ERAP1: variants seen among roughly 807,000 people sequenced by gnomAD.
The protein encoded by ERAP1 is endoplasmic reticulum aminopeptidase 1.
ERAP1 carries 86 observed loss-of-function variants against 103.7 expected under a neutral mutation model. The observed-to-expected ratio is 0.83, with a 90% confidence interval of 0.70 to 0.99. The LOEUF (loss-of-function observed/expected upper bound fraction) is 0.99. Ranked by LOEUF, ERAP1 falls within the 50% of genes least tolerant of loss-of-function variation. The pLI is 0.00. For synonymous variants in ERAP1, 398 were observed against 402.4 expected (o/e 0.99, Z 0.13); for missense variants, 1,009 against 1,128.4 (o/e 0.89, Z 1.52).
downstream of ERAP1, chr5:96,770,382 A>C: frequency 5.3e-6 from 3 of 567,604 alleles, no homozygotes; most frequent in Non-Finnish European, 9.6e-6. Context: ...ACCGTTGTTC[A>C]AAAAAAATCA....
chr5:96,857,339 T>C, the ERAP1 span, among the ~76,000 whole-genome samples: 3 of 152,150 alleles, frequency 2.0e-5, no homozygotes, highest in Non-Finnish European at 4.4e-5. Flanking sequence ...CTGTTTCCCC[T>C]AGTTAAGTGA....
chr5:96,807,776 C>G (rs572729499), intron 1 of ERAP1, 84 bp downstream of exon 1: 3 of 940,072 alleles, frequency 3.2e-6, no homozygotes, highest in South Asian at 4.9e-5. Flanking sequence ...CTCAGCCCCC[C>G]ACTTGACGGG....
chr5:96,787,212 C>A (rs1776133104), intron 11 of ERAP1, among the ~76,000 whole-genome samples: 1 of 152,076 alleles, frequency 6.6e-6, no homozygotes, highest in Non-Finnish European at 1.5e-5. Context: ...AAGTTTATTT[C>A]CCAATTTTGA....
At chr5:96,762,956 CTT>C (rs112148349) in exon 20 of ERAP1, 3 of 566,048 alleles carry the variant, frequency 5.3e-6, no homozygotes, top group African/African-American at 3.8e-5. Context: ...GGGACCAAAG[CTT>C]TTCCAGACTT....
chr5:96,927,484 C>CT, the ERAP1 span, among the ~76,000 whole-genome samples: 1,424 of 147,620 alleles, frequency 9.6e-3, 36 homozygotes, highest in South Asian at 0.078. Context: ...TCCTTTGCTA[C>CT]TTTTTTTTTT....
At chr5:96,856,122 C>T in the ERAP1 span, among the ~76,000 whole-genome samples, 1 of 150,994 alleles carries the variant, frequency 6.6e-6, no homozygotes, top group South Asian at 2.1e-4. Context: ...ACTTCGAGAC[C>T]AGCCTGGCTA....
At chr5:96,868,630 G>A in the ERAP1 span, among the ~76,000 whole-genome samples, 1 of 152,252 alleles carries the variant, frequency 6.6e-6, no homozygotes, top group South Asian at 2.1e-4. Context: ...CTAGGCTAGT[G>A]GTTCTCAAAT....
At chr5:96,833,594 T>C in the ERAP1 span, among the ~76,000 whole-genome samples, 1 of 152,018 alleles carries the variant, frequency 6.6e-6, no homozygotes, top group African/African-American at 2.4e-5. Flanking sequence ...GACATGAAAA[T>C]AAATAGAATT....
intron 13 of ERAP1, 37 bp from the exon 14 acceptor site, chr5:96,784,117 AAATCCGGGAAGTCAACTT>A: frequency 6.2e-7 from 1 of 1,611,432 alleles, no homozygotes; most frequent in Non-Finnish European, 8.5e-7. Context: ...GTTTAAAAGT[AAATCCGGGAAGTCAACTT>A]TTTGCTTCAA....
chr5:96,824,632 C>T, the ERAP1 span, among the ~76,000 whole-genome samples: 2 of 152,198 alleles, frequency 1.3e-5, no homozygotes, highest in East Asian at 3.8e-4. Flanking sequence ...GGAAAACTTT[C>T]CCATCTGCCA....
At chr5:96,776,650 A>T (rs1399604868) in intron 18 of ERAP1, 99 bp from the exon 19 acceptor site, 2 of 1,527,562 alleles carry the variant, frequency 1.3e-6, no homozygotes, top group East Asian at 4.8e-5. Flanking sequence ...ATTTGTCAAA[A>T]TTCTATATAG....
chr5:96,909,123 T>A, the ERAP1 span: 9 of 1,613,632 alleles, frequency 5.6e-6, no homozygotes, highest in South Asian at 9.9e-5. Flanking sequence ...TCAAGGTTTG[T>A]GTTGCTTTTA....
At chr5:96,795,309 T>C (rs1777228948) in intron 4 of ERAP1, 147 bp from the exon 5 acceptor site, 2 of 1,016,482 alleles carry the variant, frequency 2.0e-6, no homozygotes, top group Non-Finnish European at 1.5e-6. Context: ...TTTCTTGCAT[T>C]AATACTGACT....
the ERAP1 span, among the ~76,000 whole-genome samples, chr5:96,907,430 T>C: frequency 6.6e-6 from 1 of 152,186 alleles, no homozygotes; most frequent in South Asian, 2.1e-4. Context: ...TGGCTTAATA[T>C]AAAGTAGTTT....
chr5:96,822,429 A>G, the ERAP1 span, among the ~76,000 whole-genome samples: 3 of 152,348 alleles, frequency 2.0e-5, no homozygotes, highest in East Asian at 5.8e-4. Context: ...ATTGCTCAGG[A>G]ACAAAGGTGG....
At chr5:96,865,815 C>A in the ERAP1 span, among the ~76,000 whole-genome samples, 1 of 152,326 alleles carries the variant, frequency 6.6e-6, no homozygotes, top group East Asian at 1.9e-4. Flanking sequence ...GAATGGCCTT[C>A]ATTTACATAT....
chr5:96,824,218 C>G, the ERAP1 span, among the ~76,000 whole-genome samples: 1 of 152,102 alleles, frequency 6.6e-6, no homozygotes, highest in Admixed American at 6.5e-5. Context: ...GTATTCACAC[C>G]CAATGCCTGA....
At chr5:96,922,316 CAAAA>C in the ERAP1 span, among the ~76,000 whole-genome samples, 4 of 151,632 alleles carry the variant, frequency 2.6e-5, no homozygotes, top group African/African-American at 9.7e-5. Flanking sequence ...AAAACAAAAA[CAAAA>C]AAAACTGTTT....
chr5:96,905,925 T>G, the ERAP1 span, among the ~76,000 whole-genome samples: 6 of 145,676 alleles, frequency 4.1e-5, no homozygotes, highest in East Asian at 2.1e-4. Context: ...TTTGGAGAGA[T>G]AATTTTTTTT....
Sources: gnomAD v4.1 joint callset for allele counts (sites outside exome capture counted in the v4.1 genomes callset) on GRCh38, gnomAD v4.1.1 for gene constraint, MANE v1.5 for transcripts, NCBI Gene and HGNC (gene_info 2026-07-23, HGNC 2026-07-21) for gene names.